Variants in TTLL11 observed in about 807,000 individuals in gnomAD.
TTLL11 encodes the protein tubulin tyrosine ligase like 11.
A neutral mutation model predicts 51.7 loss-of-function variants in TTLL11; 42 were observed. That is an observed-to-expected ratio of 0.81 (90% confidence interval 0.64 to 1.05). TTLL11 has a LOEUF of 1.05. TTLL11 is among the 50% of genes least tolerant of loss of function. The probability of loss-of-function intolerance (pLI) is 0.00; values close to 1 mark genes in which losing one functional copy is unlikely to be tolerated. For missense variants in TTLL11, 799 were observed against 940.4 expected (o/e 0.85, Z 1.97); for synonymous variants, 381 against 383.5 (o/e 0.99, Z 0.08).
intron 1 of TTLL11, among the ~76,000 whole-genome samples, chr9:122,085,545 C>A (rs193205607): frequency 6.6e-6 from 1 of 152,234 alleles, no homozygotes; most frequent in East Asian, 1.9e-4. Flanking sequence ...CTCAAAATAT[C>A]TATTAGATAA....
intron 6 of TTLL11, among the ~76,000 whole-genome samples, chr9:121,916,647 T>C (rs537883906): frequency 1.4e-4 from 21 of 152,262 alleles, no homozygotes; most frequent in African/African-American, 4.6e-4. Flanking sequence ...ACTTTCTGAG[T>C]TGGCCTTTAA....
intron 3 of TTLL11, among the ~76,000 whole-genome samples, chr9:122,028,821 T>C (rs1386033982): frequency 6.6e-6 from 1 of 152,172 alleles, no homozygotes; most frequent in Non-Finnish European, 1.5e-5. Flanking sequence ...ATACAGAATA[T>C]ACTCTCTGAT....
At position 121,816,592 on chromosome 9, in the gene TTLL11, GTGTGTGCA is replaced by G. The variant is rs925590837; in HGVS notation, c.*5987_*5994del. ...CGTGTGCGTGTGTGCATGTGTGTGC[GTGTGTGCA>G]TGTGTGCATTGTGTACGTGTGTGCA... is the stretch of plus-strand genomic sequence containing the variant. On this transcript the variant is annotated 3_prime_UTR_variant, in exon 9 of 9. Coordinates refer to ENST00000321582, the MANE Select transcript of TTLL11 (RefSeq NM_001139442.2). 1.2e-4 allele frequency: 18 copies of G among 149,158 alleles called. No homozygotes were observed. Among genetic ancestry groups the G allele is most frequent in the East Asian group, 3.9e-4 (2 of 5,070 alleles). The allele number at this position is 149,158 out of a possible 1,614,324, so 9.2% of individuals were successfully genotyped here.
At chr9:121,900,035 A>C (rs1253335082) in intron 6 of TTLL11, among the ~76,000 whole-genome samples, 2 of 152,218 alleles carry the variant, frequency 1.3e-5, no homozygotes, top group Non-Finnish European at 2.9e-5. Flanking sequence ...CTCAAAAAGT[A>C]CTTATGCCTA....
chr9:122,068,172 G>A (rs973784127), intron 1 of TTLL11, among the ~76,000 whole-genome samples: 10 of 152,096 alleles, frequency 6.6e-5, no homozygotes, highest in Non-Finnish European at 1.2e-4. Flanking sequence ...AATATATAAC[G>A]ATACAAAACA....
chr9:121,830,712 A>C (rs1836976866), intron 8 of TTLL11, among the ~76,000 whole-genome samples: 1 of 152,200 alleles, frequency 6.6e-6, no homozygotes, highest in South Asian at 2.1e-4. Context: ...GTAGGAGAGA[A>C]CATTCTCCAT....
At chr9:122,044,132 G>C (rs1174762081) in intron 1 of TTLL11, among the ~76,000 whole-genome samples, 1 of 152,138 alleles carries the variant, frequency 6.6e-6, no homozygotes, top group Non-Finnish European at 1.5e-5. Flanking sequence ...CCTTGCGATA[G>C]TTTGCTGAGA....
chr9:121,863,730 C>T (rs1428251054), intron 7 of TTLL11, among the ~76,000 whole-genome samples: 1 of 152,240 alleles, frequency 6.6e-6, no homozygotes, highest in African/African-American at 2.4e-5. Flanking sequence ...TAGGGCTTTT[C>T]TTGCTCATCA....
At chr9:121,927,991 A>C (rs1277214009) in intron 6 of TTLL11, among the ~76,000 whole-genome samples, 1 of 152,206 alleles carries the variant, frequency 6.6e-6, no homozygotes, top group South Asian at 2.1e-4. Flanking sequence ...TTAAGATGCT[A>C]TTCCCAACCC....
At chr9:121,946,411 A>G (rs1841666698) in intron 6 of TTLL11, among the ~76,000 whole-genome samples, 1 of 152,210 alleles carries the variant, frequency 6.6e-6, no homozygotes, top group African/African-American at 2.4e-5. Context: ...AAACACGCAC[A>G]CAGCCCTCTG....
chr9:121,895,708 T>C, intron 6 of TTLL11, among the ~76,000 whole-genome samples: 2 of 3,518 alleles, frequency 5.7e-4, no homozygotes, highest in African/African-American at 9.8e-4. Context: ...TGTGTGGGTT[T>C]GTGTGACTGT....
At chr9:121,832,143 G>C (rs1185558208) in intron 8 of TTLL11, among the ~76,000 whole-genome samples, 61 of 152,114 alleles carry the variant, frequency 4.0e-4, no homozygotes, top group Admixed American at 4.0e-3. Flanking sequence ...CAGCCACATG[G>C]AGGATAGTTA....
At chr9:122,034,569 C>G (rs1844648804) in intron 2 of TTLL11, among the ~76,000 whole-genome samples, 1 of 152,188 alleles carries the variant, frequency 6.6e-6, no homozygotes, top group African/African-American at 2.4e-5. Flanking sequence ...CTTTGCTCCT[C>G]CATATCTAAG....
At chr9:121,859,571 A>G (rs753648870) in intron 8 of TTLL11, among the ~76,000 whole-genome samples, 1 of 152,192 alleles carries the variant, frequency 6.6e-6, no homozygotes, top group African/African-American at 2.4e-5. Context: ...TAGGAAACTC[A>G]TCCACCTAAA....
intron 1 of TTLL11, among the ~76,000 whole-genome samples, chr9:122,061,968 TG>T (rs1227432681): frequency 2.0e-5 from 3 of 152,188 alleles, no homozygotes; most frequent in Non-Finnish European, 4.4e-5. Flanking sequence ...ATTAGACATT[TG>T]GGTTTCCTCT....
rs924830993 is a variant in TTLL11 at position 121,818,912 on chromosome 9, T to A, written c.*3675A>T. 1 of 152,496 alleles carries A rather than the reference T, an allele frequency of 6.6e-6. No individual in the cohort carries two copies. The highest frequency in any genetic ancestry group is 1.5e-5 in the Non-Finnish European group (1 of 68,258). 9.4% of individuals were successfully genotyped at this position (152,496 alleles called of 1,614,324 possible). A position where few individuals can be genotyped will look rare whatever the true frequency, so the allele number is the denominator to read the frequency against. On this transcript the variant is annotated 3_prime_UTR_variant, in exon 9 of 9. Coordinates refer to ENST00000321582, the MANE Select transcript of TTLL11 (RefSeq NM_001139442.2). ...ATAAGGGCTGCTTTCAATAGGTGACTGGACGTCAGCTCTGTGGCTCTCCAA... is the reference window on the plus strand; with the variant it reads ...ATAAGGGCTGCTTTCAATAGGTGACAGGACGTCAGCTCTGTGGCTCTCCAA...
At chr9:121,909,062 A>G (rs10985445) in intron 6 of TTLL11, among the ~76,000 whole-genome samples, 80,634 of 152,032 alleles carry the variant, frequency 0.53, 25,465 homozygotes, top group Non-Finnish European at 0.7. Flanking sequence ...CAGTTAGTCA[A>G]CTTATTTATC....
chr9:122,023,807 TC>T (rs1031644296), intron 3 of TTLL11, among the ~76,000 whole-genome samples: 3 of 151,630 alleles, frequency 2.0e-5, no homozygotes, highest in African/African-American at 7.3e-5. Context: ...GGAAACTTCA[TC>T]AATCTGATAA....
rs892453345 is a variant in TTLL11, at chr9:121,995,882, C to T, written c.694-6112G>A. On this transcript the variant is annotated intron_variant, in intron 3 of 8. Coordinates refer to ENST00000321582, the MANE Select transcript of TTLL11 (RefSeq NM_001139442.2). The surrounding 1 kb of genome is among the most constrained non-coding windows in gnomAD (Gnocchi z 4.4). ...ATGGCGCATACCTCGAACTGGAGCA[C>T]AGGTATCCGAACAGACCTCTCAAGC... Among the ~76,000 whole-genome samples, 4 of 152,204 alleles carry T rather than the reference C, an allele frequency of 2.6e-5. No individual in the cohort carries two copies. The highest frequency in any genetic ancestry group is 5.9e-5 in the Non-Finnish European group (4 of 68,034).
Sources: allele counts gnomAD v4.1 joint callset (sites outside exome capture counted in the v4.1 genomes callset), GRCh38; gene constraint gnomAD v4.1.1; non-coding constraint Gnocchi (gnomAD v3.1); transcripts MANE v1.5; gene names NCBI Gene and HGNC (gene_info 2026-07-23, HGNC 2026-07-21).